The following WDPCP variants were observed in gnomAD, a reference collection of about 807,000 sequenced individuals.
WDPCP encodes the protein WD repeat-containing and planar cell polarity effector protein fritz homolog.
A neutral mutation model predicts 93.1 loss-of-function variants in WDPCP; 71 were observed. That is an observed-to-expected ratio of 0.76 (90% confidence interval 0.63 to 0.93). The LOEUF (loss-of-function observed/expected upper bound fraction) is 0.93, where lower values mean the gene tolerates loss of function less well. Ranked by LOEUF, WDPCP falls within the 40% of genes least tolerant of loss-of-function variation. The pLI is 0.00. For missense variants in WDPCP, 844 were observed against 887.4 expected (o/e 0.95, Z 0.62); for synonymous variants, 315 against 315.0 (o/e 1.00, Z 0.00).
intron 2 of WDPCP, among the ~76,000 whole-genome samples, chr2:63,783,556 A>G (rs145286188): frequency 8.1e-4 from 123 of 152,364 alleles, no homozygotes; most frequent in Non-Finnish European, 1.3e-3. Flanking sequence ...TAAAAAAAGT[A>G]TAAGTATATA....
intron 12 of WDPCP, among the ~76,000 whole-genome samples, chr2:63,350,786 G>A (rs1257142560): frequency 1.3e-5 from 2 of 151,962 alleles, no homozygotes; most frequent in Non-Finnish European, 2.9e-5. Context: ...TCTGTGGCAC[G>A]GCAAGGCAAA....
intron 12 of WDPCP, among the ~76,000 whole-genome samples, chr2:63,325,100 T>A (rs1687432754): frequency 6.6e-6 from 1 of 152,094 alleles, no homozygotes; most frequent in Non-Finnish European, 1.5e-5. Context: ...ACCTCGGGGT[T>A]CTATAATAGG....
chr2:63,592,600 C>A (rs1361644408), upstream of WDPCP, among the ~76,000 whole-genome samples: 1 of 152,224 alleles, frequency 6.6e-6, no homozygotes. Context: ...CCCGCCTTGT[C>A]CCCCCGCGCA....
At chr2:63,740,198 T>C (rs752431490) in intron 2 of WDPCP, among the ~76,000 whole-genome samples, 2 of 152,240 alleles carry the variant, frequency 1.3e-5, no homozygotes, top group African/African-American at 2.4e-5. Flanking sequence ...ATTAAGTATA[T>C]AGCTTGGGGT....
chr2:63,583,082 G>C (rs991712148), intron 1 of WDPCP, among the ~76,000 whole-genome samples: 2 of 152,196 alleles, frequency 1.3e-5, no homozygotes, highest in Non-Finnish European at 2.9e-5. Context: ...CGATGATGTT[G>C]TATGGGGCTC....
At chr2:63,562,027 C>T (rs1276654459) in intron 1 of WDPCP, among the ~76,000 whole-genome samples, 1 of 152,094 alleles carries the variant, frequency 6.6e-6, no homozygotes, top group Non-Finnish European at 1.5e-5. Flanking sequence ...TGGGTATATA[C>T]CAAAAGGAGT....
At chr2:63,397,213 C>T (rs926884337) in intron 10 of WDPCP, among the ~76,000 whole-genome samples, 11 of 151,988 alleles carry the variant, frequency 7.2e-5, no homozygotes, top group South Asian at 4.1e-4. Context: ...TTTAGAAGGC[C>T]GAATCGATAG....
chr2:63,177,039 A>G (rs1673863507), intron 14 of WDPCP, among the ~76,000 whole-genome samples: 2 of 152,172 alleles, frequency 1.3e-5, no homozygotes, highest in South Asian at 4.1e-4. Context: ...AATGGTGTTG[A>G]CATCTGTCAA....
intron 17 of WDPCP, among the ~76,000 whole-genome samples, chr2:63,149,782 C>CTTATA (rs1671769993): frequency 6.6e-6 from 1 of 152,078 alleles, no homozygotes; most frequent in African/African-American, 2.4e-5. Flanking sequence ...AGAAGTAAAA[C>CTTATA]TAAACAAGTT....
At chr2:63,520,344 C>T (rs1251182486) in intron 1 of WDPCP, among the ~76,000 whole-genome samples, 1 of 152,182 alleles carries the variant, frequency 6.6e-6, no homozygotes, top group African/African-American at 2.4e-5. Context: ...ATTTCCCCAA[C>T]CTCACTAGAG....
At chr2:63,532,909 A>T (rs973840176) in intron 1 of WDPCP, among the ~76,000 whole-genome samples, 1 of 152,218 alleles carries the variant, frequency 6.6e-6, no homozygotes, top group African/African-American at 2.4e-5. Flanking sequence ...AAAGACACAG[A>T]CTGGCAAATT....
intron 6 of WDPCP, among the ~76,000 whole-genome samples, chr2:63,456,176 G>C (rs1410264819): frequency 6.6e-6 from 1 of 152,152 alleles, no homozygotes; most frequent in Non-Finnish European, 1.5e-5. Context: ...CAGCACTCTG[G>C]GAGGGCAAGG....
intron 2 of WDPCP, among the ~76,000 whole-genome samples, chr2:63,719,176 A>G (rs1669380473): frequency 6.6e-6 from 1 of 152,198 alleles, no homozygotes; most frequent in African/African-American, 2.4e-5. Context: ...GTGGCATGAC[A>G]TTACTCTCTC....
intron 17 of WDPCP, among the ~76,000 whole-genome samples, chr2:63,139,804 C>T (rs1670920529): frequency 1.3e-5 from 2 of 152,150 alleles, no homozygotes; most frequent in African/African-American, 4.8e-5. Flanking sequence ...TGTGAAAAAG[C>T]TCTTTAGTTT....
chr2:63,361,081 G>C (rs1461000333), intron 12 of WDPCP, among the ~76,000 whole-genome samples: 12 of 152,196 alleles, frequency 7.9e-5, no homozygotes, highest in Admixed American at 7.9e-4. Flanking sequence ...TTCGTGACAA[G>C]ATAAGATGGA....
At chr2:63,480,573 A>G (rs1700210590) in intron 6 of WDPCP, among the ~76,000 whole-genome samples, 2 of 152,196 alleles carry the variant, frequency 1.3e-5, no homozygotes, top group East Asian at 3.9e-4. Context: ...GAACCCAGAA[A>G]TAAACCCAAA....
chr2:63,273,017 T>A (rs1682778787), intron 13 of WDPCP, among the ~76,000 whole-genome samples: 1 of 152,090 alleles, frequency 6.6e-6, no homozygotes, highest in Non-Finnish European at 1.5e-5. Flanking sequence ...TCAAGTCACA[T>A]ATAAGGGAAT....
At chr2:63,606,658 GT>G (rs796718833) in intron 3 of WDPCP, among the ~76,000 whole-genome samples, 109 of 145,048 alleles carry the variant, frequency 7.5e-4, no homozygotes, top group East Asian at 6.6e-3. Context: ...CATTTTTGAA[GT>G]TTTTTTTTTT....
At chr2:63,422,774 G>C (rs1695968580) in intron 9 of WDPCP, among the ~76,000 whole-genome samples, 1 of 152,020 alleles carries the variant, frequency 6.6e-6, no homozygotes, top group African/African-American at 2.4e-5. Context: ...ACTAACTTGA[G>C]GAATTTTCAA....
Sources: allele counts gnomAD v4.1 joint callset (sites outside exome capture counted in the v4.1 genomes callset), GRCh38; gene constraint gnomAD v4.1.1; transcripts MANE v1.5; gene names NCBI Gene and HGNC (gene_info 2026-07-23, HGNC 2026-07-21).